Variants in UGGT2 observed in about 807,000 individuals in gnomAD.
The protein encoded by UGGT2 is UDP-glucose glycoprotein glucosyltransferase 2.
UGGT2 carries 180 observed loss-of-function variants against 192.1 expected under a neutral mutation model. The observed-to-expected ratio is 0.94, with a 90% confidence interval of 0.83 to 1.06. The LOEUF is 1.06. Among genes scored for constraint, UGGT2 ranks in the 50% least tolerant of loss-of-function variants. The pLI is 0.00. For synonymous variants in UGGT2, 580 were observed against 591.0 expected (o/e 0.98, Z 0.27); for missense variants, 1,849 against 1,795.7 (o/e 1.03, Z -0.54).
chr13:96,023,703 T>A lies in UGGT2; in HGVS notation c.298A>T (p.Asn100Tyr). 1 of 1,611,790 alleles carries A rather than the reference T, an allele frequency of 6.2e-7. No homozygotes were observed. The highest frequency in any genetic ancestry group is 8.5e-7 in the Non-Finnish European group (1 of 1,178,368). Residue 100 changes from asparagine (N) to tyrosine (Y), a missense_variant, in exon 3 of 39, where the codon AAT (asparagine) becomes TAT (tyrosine). Physicochemically the swap from Asn to Tyr is moderately radical, Grantham distance 143. Coordinates refer to ENST00000376747, the MANE Select transcript of UGGT2 (RefSeq NM_020121.4). Reference sequence around the variant, plus strand: ...AACTTTAAAAGGTTGATGTGTAAATTGTCTAGAAACTGTCCAGCTTTCTTC... The same window carrying A: ...AACTTTAAAAGGTTGATGTGTAAATAGTCTAGAAACTGTCCAGCTTTCTTC... ...ILKKAGQFLD[N>Y]LHINLLKFAF...
intron 20 of UGGT2, among the ~76,000 whole-genome samples, chr13:95,909,773 TAATAATAAA>T (rs1396875964): frequency 1.6e-5 from 1 of 62,294 alleles, no homozygotes; most frequent in African/African-American, 6.9e-5. Flanking sequence ...ATAATAATAA[TAATAATAAA>T]AAAGATTCCT....
At chr13:95,865,611 C>T (rs1360521801) in intron 30 of UGGT2, among the ~76,000 whole-genome samples, 1 of 152,170 alleles carries the variant, frequency 6.6e-6, no homozygotes, top group East Asian at 1.9e-4. Context: ...CTGCAGTGAG[C>T]CAAGATCGGG....
In UGGT2 at chr13:95,909,675, C is replaced by T. The variant is rs1453681589; in HGVS notation, c.2296-6615G>A. Among the ~76,000 whole-genome samples, 8 of 146,942 alleles carry T rather than the reference C, an allele frequency of 5.4e-5. No homozygotes were observed. In the East Asian group the frequency reaches 8.1e-4, roughly 15 times the overall value. On this transcript the variant is annotated intron_variant, in intron 20 of 38. Transcript: ENST00000376747. ...CTAGATGACGAGTTAGTGGGTGCAG[C>T]GCACCAGCATGGCACATGTATACAT...
Position 95,867,418 on chromosome 13 carries a change from T to C in UGGT2, c.3479A>G (p.Glu1160Gly). 3 of 1,604,336 alleles carry C rather than the reference T, an allele frequency of 1.9e-6. No homozygotes were observed. The highest frequency in any genetic ancestry group is 2.5e-6 in the Non-Finnish European group (3 of 1,176,964). The change falls in exon 30 of 39, where the codon GAA becomes GGA. Residue 1160 changes from glutamate (E) to glycine (G), a missense_variant. Physicochemically the swap from Glu to Gly is moderately conservative, Grantham distance 98. Coordinates refer to ENST00000376747, the MANE Select transcript of UGGT2 (RefSeq NM_020121.4). Reference sequence around the variant, plus strand: ...TAGGTCTGCTTGAGAGTCAGTTCCTTCATGCCTAAAAGTAGAAAAATGTGT... The same window carrying C: ...TAGGTCTGCTTGAGAGTCAGTTCCTCCATGCCTAAAAGTAGAAAAATGTGT... ...SEDIYQIVGH[E>G]GTDSQADLED... is the part of the protein sequence containing the mutation.
At chr13:96,010,070 G>A (rs1304121278) in intron 5 of UGGT2, among the ~76,000 whole-genome samples, 1 of 152,042 alleles carries the variant, frequency 6.6e-6, no homozygotes, top group East Asian at 1.9e-4. Context: ...TTCATTTAAA[G>A]CAGTGTGGCA....
intron 25 of UGGT2, among the ~76,000 whole-genome samples, chr13:95,889,707 G>T (rs554265633): frequency 2.0e-5 from 3 of 152,312 alleles, no homozygotes; most frequent in South Asian, 2.1e-4. Context: ...TCCTTTTGGA[G>T]ACTGATATCT....
At chr13:95,904,564 C>G (rs1281167865) in intron 20 of UGGT2, among the ~76,000 whole-genome samples, 5 of 150,426 alleles carry the variant, frequency 3.3e-5, no homozygotes, top group East Asian at 2.0e-4. Flanking sequence ...TTTGTTCTTG[C>G]GATAGTTTAC....
intron 1 of UGGT2, among the ~76,000 whole-genome samples, chr13:96,044,796 A>G (rs940818641): frequency 2.0e-5 from 3 of 152,184 alleles, no homozygotes; most frequent in Admixed American, 6.5e-5. Context: ...AGCTTAAATC[A>G]GGAAGAATTA....
chr13:95,969,577 G>A (rs2050701091), intron 12 of UGGT2, among the ~76,000 whole-genome samples: 1 of 152,200 alleles, frequency 6.6e-6, no homozygotes, highest in Admixed American at 6.5e-5. Flanking sequence ...GGATAGTAGT[G>A]AAAAGAACGT....
At chr13:96,032,093 T>A (rs2052853937) in intron 1 of UGGT2, 122 bp from the exon 2 acceptor site, 1 of 585,616 alleles carries the variant, frequency 1.7e-6, no homozygotes, top group African/African-American at 1.9e-5. Flanking sequence ...AAAATTAATG[T>A]CAAATTACTA....
At chr13:95,906,590 A>G (rs947123257) in intron 20 of UGGT2, among the ~76,000 whole-genome samples, 9 of 152,354 alleles carry the variant, frequency 5.9e-5, no homozygotes, top group East Asian at 5.8e-4. Flanking sequence ...ATTTTGATTA[A>G]TAACATAGTT....
At chr13:95,848,118 T>C (rs1480112166) in intron 36 of UGGT2, among the ~76,000 whole-genome samples, 2 of 152,242 alleles carry the variant, frequency 1.3e-5, no homozygotes, top group African/African-American at 4.8e-5. Flanking sequence ...GTGAGGTGTC[T>C]GTTAAGGTCT....
intron 20 of UGGT2, among the ~76,000 whole-genome samples, chr13:95,914,612 TAAAAAAAAAAAA>T (rs146990164): frequency 3.8e-4 from 31 of 80,992 alleles, no homozygotes; most frequent in African/African-American, 1.1e-3. Flanking sequence ...CCATCTCTAC[TAAAAAAAAAAAA>T]AAAAAAAAAA....
At chr13:96,044,892 A>C (rs1415900899) in intron 1 of UGGT2, among the ~76,000 whole-genome samples, 1 of 152,196 alleles carries the variant, frequency 6.6e-6, no homozygotes, top group African/African-American at 2.4e-5. Context: ...GACCAGACAT[A>C]TTCACAGCCA....
chr13:95,938,676 T>C (rs2049551439), intron 16 of UGGT2, among the ~76,000 whole-genome samples: 1 of 152,216 alleles, frequency 6.6e-6, no homozygotes, highest in Non-Finnish European at 1.5e-5. Context: ...TTAACAAGGA[T>C]AAACTCCTCC....
At position 96,013,376 on chromosome 13, in the gene UGGT2, T is replaced by C. The variant is rs139037425; in HGVS notation, c.591A>G (p.Ala197=). 103 of 1,607,350 alleles carry C rather than the reference T, an allele frequency of 6.4e-5. No individual in the cohort carries two copies. The highest frequency in any genetic ancestry group is 8.3e-5 in the Non-Finnish European group (98 of 1,178,524). ...CTTTTTCAGACAATACTTTGTGAAA[T>C]GCACTAAATGTTCTAGTACCCATTT... ...YAEMGTRTFS[A]FHKVLSEKAQ... The change falls in exon 5 of 39, where the codon GCA becomes GCG. Residue 197 remains alanine, a synonymous_variant. Coordinates refer to ENST00000376747, the MANE Select transcript of UGGT2 (RefSeq NM_020121.4).
chr13:95,897,831 C>T (rs1360924617), intron 22 of UGGT2, among the ~76,000 whole-genome samples: 1 of 152,114 alleles, frequency 6.6e-6, no homozygotes, highest in Non-Finnish European at 1.5e-5. Flanking sequence ...CATAATTTGA[C>T]TTAATATCTA....
intron 20 of UGGT2, among the ~76,000 whole-genome samples, chr13:95,906,535 A>C (rs2048296661): frequency 6.6e-6 from 1 of 152,180 alleles, no homozygotes; most frequent in African/African-American, 2.4e-5. Flanking sequence ...AGACAAGGAA[A>C]AAGAAACATA....
chr13:96,013,346 T>C lies in UGGT2; in HGVS notation c.621A>G (p.Gln207=), dbSNP rs751560748. ...AFHKVLSEKA[Q]NEEILYVLRH... ...GAAGAACATACAGAATTTCCTCATT[T>C]TGAGCTTTTTCAGACAATACTTTGT... The change falls in exon 5 of 39, where the codon CAA becomes CAG. Residue 207 remains glutamine (Q), a synonymous_variant. Transcript: ENST00000376747. The C allele has an allele frequency of 3.1e-6, 5 of 1,606,436 alleles. No homozygotes were observed. The South Asian group carries it at 5.6e-5, about 18-fold the overall frequency.
Sources: allele counts gnomAD v4.1 joint callset (sites outside exome capture counted in the v4.1 genomes callset), GRCh38; gene constraint gnomAD v4.1.1; transcripts MANE v1.5; gene names NCBI Gene and HGNC (gene_info 2026-07-23, HGNC 2026-07-21).